The following GPC5 variants were observed in gnomAD, a reference collection of about 807,000 sequenced individuals.
GPC5 encodes glypican 5.
In GPC5, 47 loss-of-function variants were observed where a neutral mutation model predicts 53.9. That is an observed-to-expected ratio of 0.87 (90% CI 0.69 to 1.11). The LOEUF (loss-of-function observed/expected upper bound fraction) is 1.11, where lower values mean the gene tolerates loss of function less well. Among genes scored for constraint, GPC5 ranks in the 50% most tolerant of loss-of-function variants. GPC5 has a pLI of 0.00. For synonymous variants in GPC5, 286 were observed against 263.3 expected, an observed-to-expected ratio of 1.09 and a Z score of -0.84; for missense variants, 748 against 713.1, an observed-to-expected ratio of 1.05 and a Z score of -0.56.
intron 7 of GPC5, among the ~76,000 whole-genome samples, chr13:92,189,075 CACCTA>C (rs902379297): frequency 6.6e-6 from 1 of 152,154 alleles, no homozygotes; most frequent in African/African-American, 2.4e-5. Context: ...ACTCCAGGGG[CACCTA>C]GTCATAGAAG....
intron 7 of GPC5, among the ~76,000 whole-genome samples, chr13:92,747,911 C>T (rs773253228): frequency 1.3e-5 from 2 of 152,126 alleles, no homozygotes; most frequent in Non-Finnish European, 2.9e-5. Context: ...TGATATCATA[C>T]ATAAGATGTA....
At chr13:91,588,958 T>C (rs1420301379) in intron 2 of GPC5, among the ~76,000 whole-genome samples, 1 of 152,152 alleles carries the variant, frequency 6.6e-6, no homozygotes, top group Non-Finnish European at 1.5e-5. Context: ...TTAGTTAATA[T>C]AGTCACTGAA....
chr13:91,425,564 T>A (rs1394352447), intron 1 of GPC5, among the ~76,000 whole-genome samples: 1 of 152,240 alleles, frequency 6.6e-6, no homozygotes, highest in Non-Finnish European at 1.5e-5. Flanking sequence ...CCATTCAAGA[T>A]GTGCCTCTTT....
At chr13:92,488,043 C>T (rs953703064) in intron 7 of GPC5, among the ~76,000 whole-genome samples, 4 of 151,850 alleles carry the variant, frequency 2.6e-5, no homozygotes, top group Admixed American at 6.6e-5. Context: ...AATATTTGCT[C>T]TTTTCTTCAT....
chr13:91,628,504 A>C (rs1555917), intron 2 of GPC5, among the ~76,000 whole-genome samples: 2 of 118,228 alleles, frequency 1.7e-5, no homozygotes, highest in African/African-American at 5.7e-5. Flanking sequence ...CTGTCTGTCT[A>C]TCTCTCTATC....
chr13:91,506,383 C>T (rs1884946030), intron 2 of GPC5, among the ~76,000 whole-genome samples: 1 of 151,972 alleles, frequency 6.6e-6, no homozygotes, highest in South Asian at 2.1e-4. Context: ...TAATCTTGTT[C>T]CCTTGTTTCT....
chr13:92,033,151 T>G (rs1181875536), intron 6 of GPC5, among the ~76,000 whole-genome samples: 1 of 152,048 alleles, frequency 6.6e-6, no homozygotes, highest in East Asian at 1.9e-4. Flanking sequence ...ATCATTTGTT[T>G]ATATCTCAAC....
Position 92,468,252 on chromosome 13 carries a change from A to G in GPC5, c.1561+323263A>G, listed in dbSNP as rs570508778. Reference sequence around the variant, plus strand: ...TAATACAAAGCTATTGCTTCCCTTCAAGGGAAACAAGCATACAAGCAGCAT... The same window carrying G: ...TAATACAAAGCTATTGCTTCCCTTCGAGGGAAACAAGCATACAAGCAGCAT... On this transcript the variant is annotated intron_variant, in intron 7 of 7. Transcript: ENST00000377067. 1.6e-4 allele frequency among the ~76,000 whole-genome samples: 25 copies of G among 152,200 alleles called. 1 individual carries two copies. In the South Asian group the frequency reaches 4.8e-3, roughly 29 times the overall value.
At chr13:91,687,593 A>T (rs767367824) in intron 2 of GPC5, among the ~76,000 whole-genome samples, 2 of 152,020 alleles carry the variant, frequency 1.3e-5, no homozygotes, top group Non-Finnish European at 2.9e-5. Context: ...CTATATTTAA[A>T]CAGTAATTAG....
intron 6 of GPC5, among the ~76,000 whole-genome samples, chr13:91,988,678 A>T (rs2040430410): frequency 6.6e-6 from 1 of 152,208 alleles, no homozygotes; most frequent in African/African-American, 2.4e-5. Context: ...TATCATGGAA[A>T]TTTAAGATTT....
intron 5 of GPC5, among the ~76,000 whole-genome samples, chr13:91,861,243 G>A (rs936129594): frequency 1.2e-4 from 19 of 152,280 alleles, no homozygotes; most frequent in African/African-American, 4.1e-4. Flanking sequence ...TTGTAATGAA[G>A]TTGAAATGTT....
At chr13:92,728,180 C>T (rs778919831) in intron 7 of GPC5, among the ~76,000 whole-genome samples, 65 of 151,420 alleles carry the variant, frequency 4.3e-4, no homozygotes, top group Non-Finnish European at 6.9e-4. Context: ...CATTTATAAA[C>T]GAACTGATTT....
In GPC5 at chr13:92,405,845, ATAGT is replaced by A. The variant is rs373176584; in HGVS notation, c.1561+260859_1561+260862del. Among the ~76,000 whole-genome samples the A allele has an allele frequency of 3.6e-3, 555 of 152,316 alleles. 4 individuals carry two copies. The highest frequency in any genetic ancestry group is 0.013 in the African/African-American group (522 of 41,572). On this transcript the variant is annotated intron_variant, in intron 7 of 7. Transcript: ENST00000377067. ...ACGTTTATTGGAAAGTTAGGCACAA[ATAGT>A]TAAGAAGAAGGTGACTGAAAATTTC...
intron 7 of GPC5, among the ~76,000 whole-genome samples, chr13:92,202,146 A>G (rs987765963): frequency 2.0e-5 from 3 of 152,216 alleles, no homozygotes; most frequent in African/African-American, 7.2e-5. Context: ...ATGTTTTATT[A>G]TTCATTTTAA....
chr13:92,028,092 A>G (rs895948014), intron 6 of GPC5, among the ~76,000 whole-genome samples: 3 of 152,182 alleles, frequency 2.0e-5, no homozygotes, highest in African/African-American at 7.2e-5. Context: ...TGGATTCCTA[A>G]TGATAAGTAG....
intron 7 of GPC5, among the ~76,000 whole-genome samples, chr13:92,259,526 A>G (rs1018561928): frequency 2.0e-5 from 3 of 152,112 alleles, no homozygotes; most frequent in African/African-American, 7.2e-5. Context: ...GAAAATACAG[A>G]TTTGATTCTT....
intron 7 of GPC5, among the ~76,000 whole-genome samples, chr13:92,661,686 T>C (rs1213944190): frequency 6.6e-6 from 1 of 152,226 alleles, no homozygotes; most frequent in Non-Finnish European, 1.5e-5. Context: ...CTCTGGCTGA[T>C]TTCTTAGGAT....
In GPC5 at chr13:92,504,273, T is replaced by A. The variant is rs186583875; in HGVS notation, c.1561+359284T>A. On this transcript the variant is annotated intron_variant, in intron 7 of 7. Transcript: ENST00000377067. Reference sequence around the variant, plus strand: ...AATCACTCCAAAATAAAATACCTAGTTGTAAACCTAACAAGTACAGAAACA... The same window carrying A: ...AATCACTCCAAAATAAAATACCTAGATGTAAACCTAACAAGTACAGAAACA... Among the ~76,000 whole-genome samples, 6 of 152,050 alleles carry A rather than the reference T, an allele frequency of 3.9e-5. No homozygotes were observed. In the East Asian group the frequency reaches 1.2e-3, roughly 29 times the overall value.
intron 6 of GPC5, among the ~76,000 whole-genome samples, chr13:91,943,949 T>G (rs1594678635): frequency 6.6e-6 from 1 of 152,184 alleles, no homozygotes; most frequent in Non-Finnish European, 1.5e-5. Flanking sequence ...TCATGTTGAT[T>G]ACAACTCAAA....
Sources: gnomAD v4.1 joint callset for allele counts (sites outside exome capture counted in the v4.1 genomes callset) on GRCh38, gnomAD v4.1.1 for gene constraint, MANE v1.5 for transcripts, NCBI Gene and HGNC (gene_info 2026-07-23, HGNC 2026-07-21) for gene names.